MRTFB: variants seen among roughly 807,000 people sequenced by gnomAD.
MRTFB encodes the protein myocardin-related transcription factor B.
A neutral mutation model predicts 104.2 loss-of-function variants in MRTFB; 29 were observed. The observed-to-expected ratio is 0.28, with a 90% CI of 0.21 to 0.38. The LOEUF is 0.38. Ranked by LOEUF, MRTFB falls within the 10% of genes least tolerant of loss-of-function variation. MRTFB has a pLI of 1.00. For synonymous variants in MRTFB, 535 were observed against 519.5 expected (o/e 1.03, Z -0.41); for missense variants, 1,270 against 1,341.6 (o/e 0.95, Z 0.83).
At chr16:14,102,526 TAAG>T (rs1404896368) in intron 2 of MRTFB, among the ~76,000 whole-genome samples, 1 of 152,224 alleles carries the variant, frequency 6.6e-6, no homozygotes, top group Non-Finnish European at 1.5e-5. Flanking sequence ...CATATACAGA[TAAG>T]AAGATATTTA....
intron 8 of MRTFB, among the ~76,000 whole-genome samples, chr16:14,233,580 G>T (rs1452837819): frequency 6.6e-6 from 1 of 151,964 alleles, no homozygotes; most frequent in Non-Finnish European, 1.5e-5. Flanking sequence ...TTGAGGTCAG[G>T]AGTTCAAGAC....
chr16:14,155,189 C>A (rs910220307), intron 3 of MRTFB, among the ~76,000 whole-genome samples: 1 of 151,556 alleles, frequency 6.6e-6, no homozygotes, highest in Non-Finnish European at 1.5e-5. Flanking sequence ...TTTTACAGTG[C>A]CTTATTAGAT....
chr16:14,103,408 T>TGG (rs1473164828), intron 2 of MRTFB, among the ~76,000 whole-genome samples: 1 of 152,034 alleles, frequency 6.6e-6, no homozygotes, highest in African/African-American at 2.4e-5. Flanking sequence ...AGGGGGGATA[T>TGG]GGGGGAGGGT....
At chr16:14,077,005 G>T (rs376676446) in intron 1 of MRTFB, among the ~76,000 whole-genome samples, 1 of 152,124 alleles carries the variant, frequency 6.6e-6, no homozygotes, top group Non-Finnish European at 1.5e-5. Flanking sequence ...ATTTCTATAA[G>T]TGTATAAATT....
intron 8 of MRTFB, among the ~76,000 whole-genome samples, chr16:14,223,991 G>A (rs769977720): frequency 1.3e-5 from 2 of 152,158 alleles, no homozygotes; most frequent in African/African-American, 2.4e-5. Flanking sequence ...ACAGTTCCAC[G>A]GGCTGTACAG....
intron 15 of MRTFB, among the ~76,000 whole-genome samples, chr16:14,254,240 G>A (rs2043381394): frequency 6.6e-6 from 1 of 152,198 alleles, no homozygotes; most frequent in Admixed American, 6.5e-5. Context: ...AATTCCACGA[G>A]TGGCTAAGTA....
At chr16:14,165,611 T>C (rs2039205980) in intron 3 of MRTFB, among the ~76,000 whole-genome samples, 1 of 152,186 alleles carries the variant, frequency 6.6e-6, no homozygotes, top group South Asian at 2.1e-4. Context: ...GTACATGTTG[T>C]TCTCTTTGCC....
At chr16:14,148,267 A>G (rs921551113) in intron 3 of MRTFB, among the ~76,000 whole-genome samples, 3 of 152,212 alleles carry the variant, frequency 2.0e-5, no homozygotes, top group African/African-American at 4.8e-5. Context: ...TGAGAGACTT[A>G]GGAAAATTAA....
At chr16:14,079,018 T>C (rs2034239337) in intron 1 of MRTFB, among the ~76,000 whole-genome samples, 1 of 152,198 alleles carries the variant, frequency 6.6e-6, no homozygotes, top group African/African-American at 2.4e-5. Context: ...GCTCTGAGCC[T>C]AGCACCCGAA....
upstream of MRTFB, among the ~76,000 whole-genome samples, chr16:14,067,207 T>C (rs1029234504): frequency 3.9e-4 from 58 of 150,204 alleles, 1 homozygote; most frequent in Admixed American, 9.3e-4. Context: ...GATGTCACTT[T>C]GGTGTTAACC....
intron 3 of MRTFB, among the ~76,000 whole-genome samples, chr16:14,206,914 G>C (rs1314067975): frequency 6.6e-6 from 1 of 151,508 alleles, no homozygotes; most frequent in Non-Finnish European, 1.5e-5. Context: ...TCCACCTATG[G>C]GTGCAGATAA....
chr16:14,000,113 A>G, the MRTFB span, among the ~76,000 whole-genome samples: 248 of 152,208 alleles, frequency 1.6e-3, 1 homozygote, highest in African/African-American at 5.8e-3. Flanking sequence ...AGACAGAGAG[A>G]GAGAGAGGCG....
chr16:14,171,119 G>A (rs541260340), intron 3 of MRTFB, among the ~76,000 whole-genome samples: 2 of 152,250 alleles, frequency 1.3e-5, no homozygotes, highest in East Asian at 3.9e-4. Flanking sequence ...TTGCATTCTG[G>A]CACAACAAAA....
chr16:14,129,489 T>C (rs529152715), intron 2 of MRTFB, among the ~76,000 whole-genome samples: 1 of 152,356 alleles, frequency 6.6e-6, no homozygotes, highest in South Asian at 2.1e-4. Flanking sequence ...CTCTTTTGAA[T>C]AATGCTGCTA....
intron 3 of MRTFB, among the ~76,000 whole-genome samples, chr16:14,184,071 T>TAAAA (rs1567425329): frequency 0.011 from 78 of 6,900 alleles, no homozygotes; most frequent in African/African-American, 0.051. Flanking sequence ...ATCCTGAAAT[T>TAAAA]TAAAAAAAAA....
At chr16:14,069,043 C>G (rs2033550349), upstream of MRTFB, among the ~76,000 whole-genome samples, 1 of 142,710 alleles carries the variant, frequency 7.0e-6, no homozygotes, top group African/African-American at 2.6e-5. Flanking sequence ...AATCTCAGCT[C>G]AGTGCAACCT....
At chr16:14,149,173 T>G (rs756508764) in intron 3 of MRTFB, 8 of 152,228 alleles carry the variant, frequency 5.3e-5, no homozygotes, top group Non-Finnish European at 1.0e-4. Context: ...CATCAAACTG[T>G]CAGCTAAAAG....
intron 2 of MRTFB, among the ~76,000 whole-genome samples, chr16:14,115,206 T>C (rs1357023565): frequency 1.4e-4 from 21 of 152,248 alleles, no homozygotes; most frequent in Non-Finnish European, 1.5e-4. Flanking sequence ...TTGTTCTTGC[T>C]ACACATTGTA....
At chr16:14,188,848 TAAATTTTAA>T in intron 3 of MRTFB, among the ~76,000 whole-genome samples, 1 of 152,350 alleles carries the variant, frequency 6.6e-6, no homozygotes, top group Non-Finnish European at 1.5e-5. Context: ...TGTTTAAATT[TAAATTTTAA>T]AATCCTGCAT....
Sources: gnomAD v4.1 joint callset for allele counts (sites outside exome capture counted in the v4.1 genomes callset) on GRCh38, gnomAD v4.1.1 for gene constraint, MANE v1.5 for transcripts, NCBI Gene and HGNC (gene_info 2026-07-23, HGNC 2026-07-21) for gene names.